The following ATXN10 variants were observed in gnomAD, a reference collection of about 807,000 sequenced individuals.
ATXN10 encodes ataxin-10.
ATXN10 carries 28 observed loss-of-function variants against 52.9 expected under a neutral mutation model. The ratio of observed to expected loss-of-function variants is 0.53; its 90% confidence interval spans 0.39 to 0.73. The LOEUF is 0.73. Ranked by LOEUF, ATXN10 falls within the 30% of genes least tolerant of loss-of-function variation. ATXN10 has a pLI of 0.00. For missense variants in ATXN10, 565 were observed against 577.0 expected (o/e 0.98, Z 0.21); for synonymous variants, 226 against 221.5 (o/e 1.02, Z -0.18).
At chr22:45,713,535 A>G (rs942090494) in intron 5 of ATXN10, among the ~76,000 whole-genome samples, 10 of 152,212 alleles carry the variant, frequency 6.6e-5, no homozygotes, top group Admixed American at 2.6e-4. Context: ...CTGAGGAGCC[A>G]GGTTCATCTG....
chr22:45,751,754 ATAAAAAAAAAATAAT>A (rs1177617006), intron 9 of ATXN10, among the ~76,000 whole-genome samples: 54 of 99,408 alleles, frequency 5.4e-4, no homozygotes, highest in African/African-American at 1.4e-3. Flanking sequence ...AAAAAAAAAA[ATAAAAAAAAAATAAT>A]AATAATAATA....
rs1739526406 is a variant in ATXN10, at chr22:45,741,988, A to G, written c.1173+1450A>G. ...CATGGCATTGGAAAGTGAGGGGGGAATTGTGGAAAGTAGAAAACAGACCCC... is the reference window on the plus strand; with the variant it reads ...CATGGCATTGGAAAGTGAGGGGGGAGTTGTGGAAAGTAGAAAACAGACCCC... On this transcript the variant is annotated intron_variant, in intron 9 of 11. Coordinates refer to ENST00000252934, the MANE Select transcript of ATXN10 (RefSeq NM_013236.4). Among the ~76,000 whole-genome samples, 4 of 152,246 alleles carry G rather than the reference A, an allele frequency of 2.6e-5. No homozygotes were observed. In the South Asian group the frequency reaches 8.3e-4, roughly 32 times the overall value.
chr22:45,794,381 G>T (rs1285820099), intron 9 of ATXN10, among the ~76,000 whole-genome samples: 1 of 147,528 alleles, frequency 6.8e-6, no homozygotes, highest in Admixed American at 6.7e-5. Context: ...TCATAAAATT[G>T]TTCATATTTT....
intron 6 of ATXN10, among the ~76,000 whole-genome samples, chr22:45,724,336 T>C (rs945322838): frequency 1.3e-5 from 2 of 152,138 alleles, no homozygotes; most frequent in African/African-American, 4.8e-5. Flanking sequence ...ATCTGTTGTT[T>C]TTTTTGACTT....
chr22:45,693,813 C>G (rs1305352066), intron 3 of ATXN10, among the ~76,000 whole-genome samples: 1 of 152,138 alleles, frequency 6.6e-6, no homozygotes, highest in African/African-American at 2.4e-5. Context: ...TGTGAAGACA[C>G]AGGGAGAAGA....
At chr22:45,809,857 T>C (rs1414928572) in intron 10 of ATXN10, among the ~76,000 whole-genome samples, 1 of 152,260 alleles carries the variant, frequency 6.6e-6, no homozygotes, top group Non-Finnish European at 1.5e-5. Flanking sequence ...ATTTTCTCTT[T>C]CCTGTTCTGT....
chr22:45,691,617 C>T (rs1161242813), intron 2 of ATXN10, among the ~76,000 whole-genome samples: 1 of 152,202 alleles, frequency 6.6e-6, no homozygotes, highest in East Asian at 1.9e-4. Context: ...CAGTCTGGGC[C>T]AGGCGCGGTG....
chr22:45,771,794 A>G (rs959351788), intron 9 of ATXN10, among the ~76,000 whole-genome samples: 1 of 151,756 alleles, frequency 6.6e-6, no homozygotes, highest in Non-Finnish European at 1.5e-5. Flanking sequence ...CTTAATTTTT[A>G]TTTTTTTAAA....
rs1923592796 is a variant in ATXN10, at chr22:45,696,020, G to A, written c.391+2942G>A. On this transcript the variant is annotated intron_variant, in intron 3 of 11. Coordinates refer to ENST00000252934, the MANE Select transcript of ATXN10 (RefSeq NM_013236.4). This position sits in a 1 kb window ranked among gnomAD's most constrained non-coding sequence, Gnocchi z 4.7. ...ATTTTGAAGTATTCCTTTAGGAAAT[G>A]GTAATTAAAAATTAATTACTTCCTT... 6.6e-6 allele frequency among the ~76,000 whole-genome samples: 1 copy of A among 152,020 alleles called. No homozygotes were observed. Among genetic ancestry groups the A allele is most frequent in the African/African-American group, 2.4e-5 (1 of 41,370 alleles).
At chr22:45,752,005 A>G (rs1925995226) in intron 9 of ATXN10, among the ~76,000 whole-genome samples, 1 of 151,968 alleles carries the variant, frequency 6.6e-6, no homozygotes, top group African/African-American at 2.4e-5. Flanking sequence ...GGTAGAATTT[A>G]ATTTCATGCC....
chr22:45,794,273 A>G (rs1326761374), intron 9 of ATXN10, among the ~76,000 whole-genome samples: 1 of 152,068 alleles, frequency 6.6e-6, no homozygotes, highest in African/African-American at 2.4e-5. Context: ...TGGGCACTTT[A>G]AAAAGGACAG....
chr22:45,704,802 C>T (rs1234762981), intron 5 of ATXN10, among the ~76,000 whole-genome samples: 1 of 152,024 alleles, frequency 6.6e-6, no homozygotes, highest in African/African-American at 2.4e-5. Flanking sequence ...CTGGAAATTC[C>T]AATACAATGT....
Position 45,828,766 on chromosome 22 carries a change from C to T in ATXN10, c.1238-14225C>T, listed in dbSNP as rs1052323519. ...AGTTATAGTAAGACAATTAAATCAG[C>T]AATGAAAAATCTCACAAAGAAAAGC... On this transcript the variant is annotated intron_variant, in intron 10 of 11. Coordinates refer to ENST00000252934, the MANE Select transcript of ATXN10 (RefSeq NM_013236.4). This position sits in a 1 kb window ranked among gnomAD's most constrained non-coding sequence, Gnocchi z 4.5. Among the ~76,000 whole-genome samples, 6 of 152,222 alleles carry T rather than the reference C, an allele frequency of 3.9e-5. No homozygotes were observed. Among genetic ancestry groups the T allele is most frequent in the African/African-American group, 1.2e-4 (5 of 41,534 alleles).
rs1018558378 is a variant in ATXN10 at position 45,740,385 on chromosome 22, T to A, written c.1020T>A (p.Ile340=). ...LERVIDLLRV[I]HVAGKETTNI... Reference sequence around the variant, plus strand: ...TGGTTATAGATCTTTTGCGGGTGATTCATGTAGCTGGAAAAGAAACCACAA... The same window carrying A: ...TGGTTATAGATCTTTTGCGGGTGATACATGTAGCTGGAAAAGAAACCACAA... The change falls in exon 9 of 12, where the codon ATT becomes ATA. Residue 340 remains isoleucine (I), a synonymous_variant. Coordinates refer to ENST00000252934, the MANE Select transcript of ATXN10 (RefSeq NM_013236.4). The A allele has an allele frequency of 1.9e-6, 3 of 1,613,772 alleles. No homozygotes were observed. The African/African-American group carries it at 4.0e-5, about 22-fold the overall frequency.
rs200305783 is a variant in ATXN10 at position 45,835,842 on chromosome 22, AT to A, written c.1238-7141del. 1.5e-3 allele frequency among the ~76,000 whole-genome samples: 227 copies of A among 152,060 alleles called. No individual in the cohort carries two copies. Among genetic ancestry groups the A allele is most frequent in the Middle Eastern group, 0.014 (4 of 294 alleles). ...AATTATTTCTCTGCCTTCTTTTAGT[AT>A]TTTTTTTAACACTTTCAGTATTAGC... On this transcript the variant is annotated intron_variant, in intron 10 of 11. Coordinates refer to ENST00000252934, the MANE Select transcript of ATXN10 (RefSeq NM_013236.4). The surrounding 1 kb of genome is among the most constrained non-coding windows in gnomAD (Gnocchi z 5.0).
At chr22:45,760,166 G>A (rs1341880624) in intron 9 of ATXN10, among the ~76,000 whole-genome samples, 1 of 152,156 alleles carries the variant, frequency 6.6e-6, no homozygotes, top group East Asian at 1.9e-4. Context: ...CTCAACTGTG[G>A]CTTGGTTCTG....
At chr22:45,736,719 G>A (rs539611323) in intron 7 of ATXN10, among the ~76,000 whole-genome samples, 1 of 152,114 alleles carries the variant, frequency 6.6e-6, no homozygotes, top group African/African-American at 2.4e-5. Flanking sequence ...CGTTCCAGAG[G>A]CATATTCAGA....
intron 5 of ATXN10, among the ~76,000 whole-genome samples, chr22:45,707,314 A>G (rs1924080873): frequency 6.6e-6 from 1 of 152,112 alleles, no homozygotes; most frequent in African/African-American, 2.4e-5. Context: ...ATCTTTTATC[A>G]TTCTATTGAA....
chr22:45,726,349 G>T (rs899224682), intron 6 of ATXN10, among the ~76,000 whole-genome samples: 4 of 152,054 alleles, frequency 2.6e-5, no homozygotes, highest in Non-Finnish European at 2.9e-5. Context: ...GTTGTTACTG[G>T]TCTGTTCAGA....
Sources: allele counts gnomAD v4.1 joint callset (sites outside exome capture counted in the v4.1 genomes callset), GRCh38; gene constraint gnomAD v4.1.1; non-coding constraint Gnocchi (gnomAD v3.1); transcripts MANE v1.5; gene names NCBI Gene and HGNC (gene_info 2026-07-23, HGNC 2026-07-21).